CCDC171: variants seen among roughly 807,000 people sequenced by gnomAD.
CCDC171 encodes the protein coiled-coil domain-containing protein 171.
A neutral mutation model predicts 168.2 loss-of-function variants in CCDC171; 177 were observed. The ratio of observed to expected loss-of-function variants is 1.05; its 90% confidence interval spans 0.93 to 1.19. The LOEUF is 1.19. CCDC171 is among the 50% of genes most tolerant of loss of function. CCDC171 has a pLI of 0.00. For synonymous variants in CCDC171, 687 were observed against 540.8 expected, an observed-to-expected ratio of 1.27 and a Z score of -3.75; for missense variants, 1,991 against 1,539.0, an observed-to-expected ratio of 1.29 and a Z score of -4.91.
intron 10 of CCDC171, among the ~76,000 whole-genome samples, chr9:15,690,677 T>C (rs756942381): frequency 5.9e-5 from 9 of 152,094 alleles, no homozygotes; most frequent in Non-Finnish European, 1.0e-4. Context: ...TTGAAAAATA[T>C]AATTTTGTTT....
At chr9:15,620,350 C>G (rs2044407231) in intron 6 of CCDC171, among the ~76,000 whole-genome samples, 1 of 151,998 alleles carries the variant, frequency 6.6e-6, no homozygotes, top group Admixed American at 6.6e-5. Context: ...CAAATGTCAT[C>G]ATTAACAGGA....
At chr9:15,603,034 T>A (rs1278356221) in intron 6 of CCDC171, among the ~76,000 whole-genome samples, 1 of 152,052 alleles carries the variant, frequency 6.6e-6, no homozygotes, top group Admixed American at 6.6e-5. Flanking sequence ...CAGATTGGAG[T>A]GCAGTGGCGC....
chr9:15,926,864 T>C (rs989408371), intron 25 of CCDC171, among the ~76,000 whole-genome samples: 13 of 151,790 alleles, frequency 8.6e-5, no homozygotes, highest in African/African-American at 2.4e-4. Flanking sequence ...AGGAAATCTT[T>C]TTATTTGTAG....
At chr9:15,889,544 C>G (rs1819912909) in intron 24 of CCDC171, among the ~76,000 whole-genome samples, 1 of 152,146 alleles carries the variant, frequency 6.6e-6, no homozygotes. Flanking sequence ...CGAAAGACTT[C>G]AACAGTTGTG....
chr9:15,691,544 T>TATATATATATATATATATA (rs1554762170), intron 10 of CCDC171, among the ~76,000 whole-genome samples: 5 of 87,752 alleles, frequency 5.7e-5, no homozygotes, highest in African/African-American at 1.1e-4. Context: ...AATATATGTT[T>TATATATATATATATATATA]TTTATATATA....
chr9:15,790,726 T>G (rs2058213113), intron 21 of CCDC171, among the ~76,000 whole-genome samples: 2 of 152,234 alleles, frequency 1.3e-5, no homozygotes, highest in Middle Eastern at 3.2e-3. Flanking sequence ...TTTTATGGTT[T>G]CAGGTCTAAC....
At chr9:15,987,541 A>C (rs1359950) in intron 3 of CCDC171, among the ~76,000 whole-genome samples, 74,671 of 151,760 alleles carry the variant, frequency 0.49, 19,672 homozygotes, top group African/African-American at 0.7. Context: ...CAGAAAAATG[A>C]ATACAAGATT....
At chr9:15,892,438 T>A (rs1400100866) in intron 24 of CCDC171, among the ~76,000 whole-genome samples, 1 of 152,202 alleles carries the variant, frequency 6.6e-6, no homozygotes, top group East Asian at 1.9e-4. Flanking sequence ...TTGAAGGCCT[T>A]TTCTGCATCT....
intron 7 of CCDC171, among the ~76,000 whole-genome samples, chr9:15,650,393 T>C (rs1025455731): frequency 3.9e-5 from 6 of 151,978 alleles, no homozygotes; most frequent in African/African-American, 1.5e-4. Flanking sequence ...GAACTTAAAG[T>C]ATAATAAAAA....
chr9:15,972,022 C>T lies in CCDC171; in HGVS notation c.*186C>T. On this transcript the variant is annotated 3_prime_UTR_variant, in exon 26 of 26. Transcript: ENST00000380701. ...ATAAGGAAATAGCCAACTTTTTTCTCTCCAAGTTTTATTTGTTATCACAGT... is the reference window on the plus strand; with the variant it reads ...ATAAGGAAATAGCCAACTTTTTTCTTTCCAAGTTTTATTTGTTATCACAGT... The T allele has an allele frequency of 1.9e-6, 1 of 525,604 alleles. No homozygotes were observed. Among genetic ancestry groups the T allele is most frequent in the African/African-American group, 1.9e-5 (1 of 51,904 alleles). The allele number at this position is 525,604 out of a possible 1,614,324, so 32.6% of individuals were successfully genotyped here. A position where few individuals can be genotyped will look rare whatever the true frequency, so the allele number is the denominator to read the frequency against.
chr9:16,079,963 A>G, the CCDC171 span, among the ~76,000 whole-genome samples: 2 of 152,216 alleles, frequency 1.3e-5, no homozygotes, highest in Admixed American at 1.3e-4. Flanking sequence ...GCCCAAAGTT[A>G]TCATGTCACT....
intron 25 of CCDC171, among the ~76,000 whole-genome samples, chr9:15,944,836 T>TCTTTTTC (rs57665767): frequency 3.1e-5 from 4 of 129,852 alleles, no homozygotes; most frequent in African/African-American, 1.2e-4. Context: ...TTTCTTTCTT[T>TCTTTTTC]TTTCTTTCTT....
chr9:15,624,157 A>G (rs1253737833), intron 7 of CCDC171, among the ~76,000 whole-genome samples: 1 of 152,152 alleles, frequency 6.6e-6, no homozygotes, highest in African/African-American at 2.4e-5. Context: ...AGCAATAAGG[A>G]TTATAACTTT....
At chr9:15,603,186 G>A (rs192782589) in intron 6 of CCDC171, among the ~76,000 whole-genome samples, 85 of 151,994 alleles carry the variant, frequency 5.6e-4, no homozygotes, top group African/African-American at 1.9e-3. Flanking sequence ...GGGTTTCACC[G>A]TGTTAGCCAG....
chr9:15,657,757 A>G (rs2048048116), intron 8 of CCDC171, among the ~76,000 whole-genome samples: 1 of 152,220 alleles, frequency 6.6e-6, no homozygotes, highest in Non-Finnish European at 1.5e-5. Context: ...AGTACAAAAT[A>G]CTGAAATACA....
chr9:16,026,340 G>T (rs1325891098), intron 6 of CCDC171, among the ~76,000 whole-genome samples: 1 of 152,134 alleles, frequency 6.6e-6, no homozygotes, highest in African/African-American at 2.4e-5. Context: ...CTCTAATAAA[G>T]GTTCTCTGGC....
chr9:15,905,740 T>G (rs1822479341), intron 24 of CCDC171, among the ~76,000 whole-genome samples: 1 of 152,116 alleles, frequency 6.6e-6, no homozygotes, highest in Admixed American at 6.5e-5. Flanking sequence ...AGGAGCTGGT[T>G]TTTTGAAAAG....
chr9:15,578,407 G>A (rs2040842239), intron 3 of CCDC171, among the ~76,000 whole-genome samples: 1 of 134,298 alleles, frequency 7.4e-6, no homozygotes, highest in South Asian at 2.5e-4. Flanking sequence ...GTTAATTTTT[G>A]TATTATTATT....
At chr9:15,938,098 A>G (rs568905204) in intron 25 of CCDC171, among the ~76,000 whole-genome samples, 4 of 151,898 alleles carry the variant, frequency 2.6e-5, no homozygotes, top group Non-Finnish European at 4.4e-5. Flanking sequence ...TACCTCATCT[A>G]TTATTTAATT....
Sources: gnomAD v4.1 joint callset for allele counts (sites outside exome capture counted in the v4.1 genomes callset) on GRCh38, gnomAD v4.1.1 for gene constraint, MANE v1.5 for transcripts, NCBI Gene and HGNC (gene_info 2026-07-23, HGNC 2026-07-21) for gene names.